Variants in IGSF10 observed in about 807,000 individuals in gnomAD.
IGSF10 encodes calvaria mechanical force protein 608.
In IGSF10, 126 loss-of-function variants were observed where a neutral mutation model predicts 128.2. That is an observed-to-expected ratio of 0.98 (90% CI 0.85 to 1.14). The LOEUF is 1.14. IGSF10 is among the 50% of genes most tolerant of loss of function. IGSF10 has a pLI of 0.00. For synonymous variants in IGSF10, 1,185 were observed against 1,146.2 expected (o/e 1.03, Z -0.68); for missense variants, 3,295 against 3,149.8 (o/e 1.05, Z -1.10).
the IGSF10 span, among the ~76,000 whole-genome samples, chr3:151,488,284 A>C: frequency 3.5e-5 from 5 of 144,092 alleles, no homozygotes; most frequent in African/African-American, 1.3e-4. Context: ...GGACCTCTTC[A>C]AGGAGAACTA....
chr3:151,492,750 C>CAAAG, the IGSF10 span, among the ~76,000 whole-genome samples: 1 of 148,348 alleles, frequency 6.7e-6, no homozygotes, highest in East Asian at 1.9e-4. Flanking sequence ...TTAAAGCAAA[C>CAAAG]AAACAAAACC....
chr3:151,462,452 A>T (rs1411987389), upstream of IGSF10, among the ~76,000 whole-genome samples: 1 of 152,242 alleles, frequency 6.6e-6, no homozygotes, highest in Non-Finnish European at 1.5e-5. Flanking sequence ...AACTTCTGAA[A>T]AATGTTTTAC....
chr3:151,579,839 GA>G, the IGSF10 span, among the ~76,000 whole-genome samples: 16 of 144,472 alleles, frequency 1.1e-4, no homozygotes, highest in Non-Finnish European at 1.5e-5. Flanking sequence ...AGGAAGGAAG[GA>G]AAGAAGGAAG....
chr3:151,546,188 A>G, the IGSF10 span, among the ~76,000 whole-genome samples: 1 of 151,972 alleles, frequency 6.6e-6, no homozygotes, highest in African/African-American at 2.4e-5. Flanking sequence ...TTAAGCAAAA[A>G]TCTCTGTTGG....
At chr3:151,558,955 A>C in the IGSF10 span, among the ~76,000 whole-genome samples, 2 of 152,122 alleles carry the variant, frequency 1.3e-5, no homozygotes, top group Non-Finnish European at 2.9e-5. Context: ...GCTGAAGCCA[A>C]AGTTGGCCAA....
At chr3:151,574,755 TC>T in the IGSF10 span, among the ~76,000 whole-genome samples, 3 of 152,222 alleles carry the variant, frequency 2.0e-5, no homozygotes, top group African/African-American at 7.2e-5. Flanking sequence ...CCAGCTTTGT[TC>T]CATTGCTGGT....
the IGSF10 span, among the ~76,000 whole-genome samples, chr3:151,570,720 C>A: frequency 1.3e-5 from 2 of 152,324 alleles, 1 homozygote; most frequent in African/African-American, 4.8e-5. Context: ...TTTTGCTGTG[C>A]AGAAGCTCTT....
chr3:151,596,696 C>T, the IGSF10 span, among the ~76,000 whole-genome samples: 2 of 152,088 alleles, frequency 1.3e-5, no homozygotes, highest in Non-Finnish European at 2.9e-5. Context: ...ACAATGGGCC[C>T]AATTTATGCT....
chr3:151,453,677 A>G lies in IGSF10; in HGVS notation c.422T>C (p.Ile141Thr), dbSNP rs1721630232. ...LTRLHMDHNN[I>T]EFINPEVFYG... is the part of the protein sequence containing the mutation. ...AAAAACCTCTGGGTTTATAAACTCA[A>G]TATTGTTGTGGTCCATGTGCAATCG... The change falls in exon 5 of 8, where the codon ATT becomes ACT. Residue 141 changes from isoleucine (I) to threonine (T), a missense_variant. Ile to Thr is a moderately conservative substitution (Grantham distance 89, BLOSUM62 -1). Transcript: ENST00000282466. 15 of 1,613,556 alleles carry G rather than the reference A, an allele frequency of 9.3e-6. No individual in the cohort carries two copies. Among genetic ancestry groups the G allele is most frequent in the Non-Finnish European group, 1.3e-5 (15 of 1,179,428 alleles).
chr3:151,572,456 T>C, the IGSF10 span, among the ~76,000 whole-genome samples: 1 of 152,316 alleles, frequency 6.6e-6, no homozygotes, highest in Admixed American at 6.5e-5. Flanking sequence ...TGGGAAGGTG[T>C]ATGTGTCCAG....
the IGSF10 span, among the ~76,000 whole-genome samples, chr3:151,516,274 C>T: frequency 7.2e-5 from 11 of 152,136 alleles, no homozygotes; most frequent in Non-Finnish European, 1.3e-4. Context: ...ACATCCTTGA[C>T]GTGAACAGCT....
At chr3:151,459,653 A>C (rs1721959176) in intron 2 of IGSF10, among the ~76,000 whole-genome samples, 1 of 152,162 alleles carries the variant, frequency 6.6e-6, no homozygotes, top group South Asian at 2.1e-4. Flanking sequence ...CAGGGAAGAA[A>C]TATGCTCAGC....
the IGSF10 span, among the ~76,000 whole-genome samples, chr3:151,467,956 T>C: frequency 6.6e-6 from 1 of 151,928 alleles, no homozygotes; most frequent in Non-Finnish European, 1.5e-5. Context: ...CAATTTCTAA[T>C]ATTTTTCTGC....
chr3:151,460,876 T>C (rs1038045770), intron 1 of IGSF10, 70 bp downstream of exon 1: 40 of 932,536 alleles, frequency 4.3e-5, no homozygotes, highest in Non-Finnish European at 4.9e-5. Flanking sequence ...ACTCGCTCCA[T>C]TCCCACGCCA....
chr3:151,514,995 C>T, the IGSF10 span, among the ~76,000 whole-genome samples: 96 of 152,120 alleles, frequency 6.3e-4, no homozygotes, highest in East Asian at 5.8e-3. Flanking sequence ...TGTGGAGAAA[C>T]AGGAACACTT....
chr3:151,599,310 A>G, the IGSF10 span, among the ~76,000 whole-genome samples: 2 of 152,306 alleles, frequency 1.3e-5, no homozygotes, highest in Middle Eastern at 6.8e-3. Context: ...AGGATAGGCC[A>G]GCACCACACT....
the IGSF10 span, among the ~76,000 whole-genome samples, chr3:151,518,285 C>T: frequency 2.0e-5 from 3 of 151,920 alleles, no homozygotes; most frequent in African/African-American, 7.2e-5. Context: ...TATTTCTGTA[C>T]CTCACTTCCA....
At chr3:151,473,984 C>A in the IGSF10 span, among the ~76,000 whole-genome samples, 1 of 151,854 alleles carries the variant, frequency 6.6e-6, no homozygotes, top group African/African-American at 2.4e-5. Context: ...CTCCTGGGGG[C>A]TCACTCTTGG....
chr3:151,568,168 AC>A, the IGSF10 span, among the ~76,000 whole-genome samples: 1 of 152,130 alleles, frequency 6.6e-6, no homozygotes, highest in South Asian at 2.1e-4. Flanking sequence ...ATACAATAGA[AC>A]AAAAAAAGTA....
Sources: gnomAD v4.1 joint callset for allele counts (sites outside exome capture counted in the v4.1 genomes callset) on GRCh38, gnomAD v4.1.1 for gene constraint, MANE v1.5 for transcripts, NCBI Gene and HGNC (gene_info 2026-07-23, HGNC 2026-07-21) for gene names.